The following SMO variants were observed in gnomAD, a reference collection of about 807,000 sequenced individuals.
SMO encodes protein smoothened.
A neutral mutation model predicts 81.6 loss-of-function variants in SMO; 40 were observed. The observed-to-expected ratio is 0.49, with a 90% CI of 0.38 to 0.64. SMO has a LOEUF of 0.64. Among genes scored for constraint, SMO ranks in the 30% least tolerant of loss-of-function variants. SMO has a pLI of 0.00. For synonymous variants in SMO, 434 were observed against 432.1 expected (o/e 1.00, Z -0.05); for missense variants, 916 against 1,061.1 (o/e 0.86, Z 1.90).
At position 129,205,659 on chromosome 7, in the gene SMO, T is replaced by C. The variant is rs1320851344; in HGVS notation, c.797T>C (p.Ile266Thr). 5 of 1,613,996 alleles carry C rather than the reference T, an allele frequency of 3.1e-6. No homozygotes were observed. The African/African-American group carries it at 4.0e-5, about 13-fold the overall frequency. Residue 266 changes from isoleucine (I) to threonine (T), a missense_variant, in exon 4 of 12, where the codon ATT becomes ACT. By Grantham distance (89) the Ile-to-Thr change is moderately conservative (BLOSUM62 -1). Around this residue, in one of 4 missense-constraint regions of SMO, gnomAD observed 436 missense variants for 570.9 expected, o/e 0.76. Transcript: ENST00000249373. Reference protein sequence around the residue: ...WRNSNRYPAVILFYVNACFFV... With the variant: ...WRNSNRYPAVTLFYVNACFFV... ...AACTCGAATCGCTACCCTGCTGTTA[T>C]TCTCTTCTACGTCAATGCGTGCTTC...
Position 129,191,461 on chromosome 7 carries a change from C to A in SMO, c.331+1979C>A, listed in dbSNP as rs553326636. Among the ~76,000 whole-genome samples the A allele has an allele frequency of 2.6e-3, 398 of 152,278 alleles. 1 individual carries two copies. The highest frequency in any genetic ancestry group is 9.1e-3 in the African/African-American group (376 of 41,546). ...TTAGTTCACTATGAGTTCTTCTCTG[C>A]CACCAACCACCATCCCTCAGCTCAT... On this transcript the variant is annotated intron_variant, in intron 1 of 11. Coordinates refer to ENST00000249373, the MANE Select transcript of SMO (RefSeq NM_005631.5).
Position 129,212,440 on chromosome 7 carries a change from T to C in SMO, c.2353T>C (p.Ser785Pro). ...GGACACAGAACTCATGGATGCAGAC[T>C]CGGACTTCTGAGCCTGCAGAGCAGG... is the stretch of plus-strand genomic sequence containing the variant. ...LMDTELMDAD[S>P]DF Residue 785 changes from serine (S) to proline (P), a missense_variant, in exon 12 of 12, where the codon TCG becomes CCG. Around this residue, in one of 4 missense-constraint regions of SMO, gnomAD observed 324 missense variants for 312.9 expected, o/e 1.04. Coordinates refer to ENST00000249373, the MANE Select transcript of SMO (RefSeq NM_005631.5). The surrounding 1 kb of genome is among the most constrained non-coding windows in gnomAD (Gnocchi z 5.0). 2 of 1,610,604 alleles carry C rather than the reference T, an allele frequency of 1.2e-6. No homozygotes were observed. The highest frequency in any genetic ancestry group is 1.7e-6 in the Non-Finnish European group (2 of 1,177,420).
chr7:129,211,714 C>G lies in SMO; in HGVS notation c.1880C>G (p.Ala627Gly). ...GCCCAGCATGTCACCAAGATGGTGG[C>G]TCGGAGAGGAGCCATACTGCCCCAG... Reference protein sequence around the residue: ...AWAQHVTKMVARRGAILPQDI... With the variant: ...AWAQHVTKMVGRRGAILPQDI... The change falls in exon 11 of 12, where the codon GCT becomes GGT. Residue 627 changes from alanine (A) to glycine (G), a missense_variant. Physicochemically the swap from Ala to Gly is moderately conservative, Grantham distance 60. Transcript: ENST00000249373. This position sits in a 1 kb window ranked among gnomAD's most constrained non-coding sequence, Gnocchi z 4.6. 2 of 1,614,010 alleles carry G rather than the reference C, an allele frequency of 1.2e-6. No homozygotes were observed. The highest frequency in any genetic ancestry group is 1.3e-5 in the African/African-American group (1 of 75,034).
chr7:129,211,985 G>A lies in SMO; in HGVS notation c.1937-39G>A. Reference sequence around the variant, plus strand: ...GGGGAGCGGGGGTGGCATGGACAGAGCCAGGGCCCCAGGCTCGTGTTGTCT... The same window carrying A: ...GGGGAGCGGGGGTGGCATGGACAGAACCAGGGCCCCAGGCTCGTGTTGTCT... On this transcript the variant is annotated intron_variant, in intron 11 of 11. Transcript: ENST00000249373. This position sits in a 1 kb window ranked among gnomAD's most constrained non-coding sequence, Gnocchi z 4.6. The A allele has an allele frequency of 1.3e-6, 2 of 1,544,456 alleles. No individual in the cohort carries two copies. The highest frequency in any genetic ancestry group is 2.4e-5 in the South Asian group (2 of 82,016).
rs1268833300 is a variant in SMO at position 129,205,700 on chromosome 7, G to A, written c.838G>A (p.Gly280Ser). Residue 280 changes from glycine to serine, a missense_variant, in exon 4 of 12, where the codon GGC becomes AGC. Gly to Ser is a moderately conservative substitution (Grantham distance 56). Around this residue, in one of 4 missense-constraint regions of SMO, gnomAD observed 436 missense variants for 570.9 expected, o/e 0.76. Coordinates refer to ENST00000249373, the MANE Select transcript of SMO (RefSeq NM_005631.5). Reference sequence around the variant, plus strand: ...TGCGTGCTTCTTTGTGGGCAGCATTGGCTGGCTGGCCCAGTTCATGGATGG... The same window carrying A: ...TGCGTGCTTCTTTGTGGGCAGCATTAGCTGGCTGGCCCAGTTCATGGATGG... ...VNACFFVGSI[G>S]WLAQFMDGAR... 1 of 1,613,468 alleles carries A rather than the reference G, an allele frequency of 6.2e-7. No individual in the cohort carries two copies. Among genetic ancestry groups the A allele is most frequent in the Non-Finnish European group, 8.5e-7 (1 of 1,180,004 alleles).
In SMO at chr7:129,213,243, A is replaced by T. The variant is rs1793909552; in HGVS notation, c.*792A>T. On this transcript the variant is annotated 3_prime_UTR_variant, in exon 12 of 12. Transcript: ENST00000249373. ...CTCTAGGGCCTCAGTCTGGAGTGGG[A>T]TAGGAGCAGTGAGTGACAAAGCCTC... The T allele has an allele frequency of 8.6e-6, 2 of 233,266 alleles. No individual in the cohort carries two copies. Among genetic ancestry groups the T allele is most frequent in the African/African-American group, 4.4e-5 (2 of 45,334 alleles). 14.4% of individuals were successfully genotyped at this position (233,266 alleles called of 1,614,324 possible). A position where few individuals can be genotyped will look rare whatever the true frequency, so the allele number is the denominator to read the frequency against.
At position 129,210,902 on chromosome 7, in the gene SMO, T is replaced by A. The variant is rs548343822; in HGVS notation, c.1653-63T>A. On this transcript the variant is annotated intron_variant, in intron 9 of 11. Transcript: ENST00000249373. This position sits in a 1 kb window ranked among gnomAD's most constrained non-coding sequence, Gnocchi z 4.7. ...TGGAAAGAATGGCATCGCTGGCCCT[T>A]CCCAAGATTTGATGGGAAGTGGCAG... The A allele has an allele frequency of 2.6e-5, 40 of 1,529,156 alleles. 1 individual carries two copies. In the South Asian group the frequency reaches 4.9e-4, roughly 19 times the overall value. 94.7% of individuals were successfully genotyped at this position (1,529,156 alleles called of 1,614,324 possible). A position where few individuals can be genotyped will look rare whatever the true frequency, so the allele number is the denominator to read the frequency against.
chr7:129,211,310 C>T lies in SMO; in HGVS notation c.1801+197C>T. The T allele has an allele frequency of 2.7e-6, 2 of 740,214 alleles. No individual in the cohort carries two copies. Among genetic ancestry groups the T allele is most frequent in the Non-Finnish European group, 4.8e-6 (2 of 420,824 alleles). The allele number at this position is 740,214 out of a possible 1,614,324, so 45.9% of individuals were successfully genotyped here. A position where few individuals can be genotyped will look rare whatever the true frequency, so the allele number is the denominator to read the frequency against. ...GGGGGCTCTCCCCTCTCTGTTTCTG[C>T]CCCTGGGTCTGCTTGCCGGTGCTTG... On this transcript the variant is annotated intron_variant, in intron 10 of 11. Transcript: ENST00000249373. This position sits in a 1 kb window ranked among gnomAD's most constrained non-coding sequence, Gnocchi z 4.6.
At chr7:129,209,067 G>A in intron 7 of SMO, 1 of 612,818 alleles carries the variant, frequency 1.6e-6, no homozygotes, top group Non-Finnish European at 2.9e-6. Flanking sequence ...GCCGGGACTG[G>A]TTCCTCCTGC....
At chr7:129,202,924 A>G (rs1793694302) in intron 1 of SMO, among the ~76,000 whole-genome samples, 2 of 152,210 alleles carry the variant, frequency 1.3e-5, no homozygotes, top group Admixed American at 1.3e-4. Context: ...CTTAAATGAT[A>G]GTAAGCATAC....
chr7:129,204,882 C>T lies in SMO; in HGVS notation c.538-321C>T, dbSNP rs1199729474. On this transcript the variant is annotated intron_variant, in intron 2 of 11. Transcript: ENST00000249373. ...AAATTTAGCCGGGTGTGGTGGTGGG[C>T]GCCTGTAGTCCCAGCTACTCGGGAG... Among the ~76,000 whole-genome samples the T allele has an allele frequency of 3.4e-5, 5 of 149,244 alleles. No individual in the cohort carries two copies. In the East Asian group the frequency reaches 6.0e-4, roughly 18 times the overall value.
intron 1 of SMO, among the ~76,000 whole-genome samples, chr7:129,196,246 C>T (rs1345760927): frequency 1.3e-5 from 2 of 150,962 alleles, no homozygotes; most frequent in Admixed American, 6.6e-5. Flanking sequence ...TGAATTTTTC[C>T]AAGAATCCTT....
chr7:129,198,808 C>G (rs1378344765), intron 1 of SMO, among the ~76,000 whole-genome samples: 8 of 152,180 alleles, frequency 5.3e-5, no homozygotes, highest in Admixed American at 5.2e-4. Flanking sequence ...TGTAAGTACA[C>G]TCTGATGTTC....
chr7:129,189,363 A>G lies in SMO; in HGVS notation c.212A>G (p.Glu71Gly), dbSNP rs2150638243. 1 of 1,530,380 alleles carries G rather than the reference A, an allele frequency of 6.5e-7. No individual in the cohort carries two copies. The highest frequency in any genetic ancestry group is 8.7e-7 in the Non-Finnish European group (1 of 1,144,488). 94.8% of individuals were successfully genotyped at this position (1,530,380 alleles called of 1,614,324 possible). A position where few individuals can be genotyped will look rare whatever the true frequency, so the allele number is the denominator to read the frequency against. Reference protein sequence around the residue: ...LSHCGRAAPCEPLRYNVCLGS... With the variant: ...LSHCGRAAPCGPLRYNVCLGS... ...CACTGCGGCCGGGCTGCCCCCTGCG[A>G]GCCGCTGCGCTACAACGTGTGCCTG... is the stretch of plus-strand genomic sequence containing the variant. The change falls in exon 1 of 12, where the codon GAG becomes GGG. Residue 71 changes from glutamate to glycine, a missense_variant. Physicochemically the swap from Glu to Gly is moderately conservative, Grantham distance 98 (BLOSUM62 -2). Coordinates refer to ENST00000249373, the MANE Select transcript of SMO (RefSeq NM_005631.5). This position sits in a 1 kb window ranked among gnomAD's most constrained non-coding sequence, Gnocchi z 4.7.
At position 129,210,605 on chromosome 7, in the gene SMO, C is replaced by A. The variant is rs2150654159; in HGVS notation, c.1652+57C>A. ...CCCGCCTCACCCTCAGCCTTGGGAC[C>A]CCATCTTTAGGTTTTGTCGGGTCCT... is the stretch of plus-strand genomic sequence containing the variant. On this transcript the variant is annotated intron_variant, in intron 9 of 11. Transcript: ENST00000249373. The surrounding 1 kb of genome is among the most constrained non-coding windows in gnomAD (Gnocchi z 4.7). 4 of 1,432,128 alleles carry A rather than the reference C, an allele frequency of 2.8e-6. No homozygotes were observed. In the South Asian group the frequency reaches 4.6e-5, roughly 17 times the overall value. The allele number at this position is 1,432,128 out of a possible 1,614,324, so 88.7% of individuals were successfully genotyped here. A position where few individuals can be genotyped will look rare whatever the true frequency, so the allele number is the denominator to read the frequency against.
At chr7:129,194,202 C>G (rs535165120) in intron 1 of SMO, among the ~76,000 whole-genome samples, 106 of 151,822 alleles carry the variant, frequency 7.0e-4, no homozygotes, top group Admixed American at 3.0e-3. Context: ...GGACCTAAGT[C>G]TTTTTTAAAA....
In SMO at chr7:129,189,751, C is replaced by T. The variant is rs910160977; in HGVS notation, c.331+269C>T. Among the ~76,000 whole-genome samples, 1 of 152,020 alleles carries T rather than the reference C, an allele frequency of 6.6e-6. No homozygotes were observed. The highest frequency in any genetic ancestry group is 2.4e-5 in the African/African-American group (1 of 41,370). Reference sequence around the variant, plus strand: ...CAAAGGATGGCGGGGATGAGGGGCCCGTGAGGAGGTGGCTCTAAGCCACGG... The same window carrying T: ...CAAAGGATGGCGGGGATGAGGGGCCTGTGAGGAGGTGGCTCTAAGCCACGG... On this transcript the variant is annotated intron_variant, in intron 1 of 11. Coordinates refer to ENST00000249373, the MANE Select transcript of SMO (RefSeq NM_005631.5). The surrounding 1 kb of genome is among the most constrained non-coding windows in gnomAD (Gnocchi z 4.7).
In SMO at chr7:129,206,312, C is replaced by T. The variant is rs2150650247; in HGVS notation, c.1083C>T (p.His361=). The change falls in exon 5 of 12, where the codon CAC becomes CAT. Residue 361 remains histidine, a synonymous_variant. Transcript: ENST00000249373. The surrounding 1 kb of genome is among the most constrained non-coding windows in gnomAD (Gnocchi z 4.4). ...TCTCGGGCAAGACCTCCTACTTCCA[C>T]CTGCTCACCTGGTCACTCCCCTTTG... is the stretch of plus-strand genomic sequence containing the variant. ...QPLSGKTSYF[H]LLTWSLPFVL... 1 of 1,614,202 alleles carries T rather than the reference C, an allele frequency of 6.2e-7. No individual in the cohort carries two copies. Among genetic ancestry groups the T allele is most frequent in the Non-Finnish European group, 8.5e-7 (1 of 1,180,046 alleles).
rs2150652884 is a variant in SMO, at chr7:129,209,353, C to A, written c.1422C>A (p.Phe474Leu). Reference sequence around the variant, plus strand: ...CCTTCAGCTGCCACTTCTACGACTTCTTCAACCAGGCTGAGTGGGAGCGCA... The same window carrying A: ...CCTTCAGCTGCCACTTCTACGACTTATTCAACCAGGCTGAGTGGGAGCGCA... ...LITFSCHFYD[F>L]FNQAEWERSF... Residue 474 changes from phenylalanine to leucine, a missense_variant, in exon 8 of 12, where the codon TTC (phenylalanine) becomes TTA (leucine). This residue lies in a region of SMO where 436 missense variants were observed against 570.9 expected (regional missense o/e 0.76). Transcript: ENST00000249373. The A allele has an allele frequency of 6.2e-7, 1 of 1,614,122 alleles. No homozygotes were observed. The highest frequency in any genetic ancestry group is 8.5e-7 in the Non-Finnish European group (1 of 1,179,960).
Sources: allele counts gnomAD v4.1 joint callset (sites outside exome capture counted in the v4.1 genomes callset), GRCh38; gene constraint gnomAD v4.1.1; regional missense constraint gnomAD v4.1.1; non-coding constraint Gnocchi (gnomAD v3.1); transcripts MANE v1.5; gene names NCBI Gene and HGNC (gene_info 2026-07-23, HGNC 2026-07-21).